Variants in TSNAXIP1 observed in about 807,000 individuals in gnomAD.
TSNAXIP1 encodes the protein translin associated factor X interacting protein 1.
A neutral mutation model predicts 84.8 loss-of-function variants in TSNAXIP1; 89 were observed. That is an observed-to-expected ratio of 1.05 (90% CI 0.88 to 1.25). The LOEUF (loss-of-function observed/expected upper bound fraction) is 1.25, where lower values mean the gene tolerates loss of function less well. Among genes scored for constraint, TSNAXIP1 ranks in the 50% most tolerant of loss-of-function variants. TSNAXIP1 has a pLI of 0.00. For synonymous variants in TSNAXIP1, 347 were observed against 335.2 expected (o/e 1.04, Z -0.39); for missense variants, 874 against 887.6 (o/e 0.98, Z 0.20).
chr16:67,818,703 C>CTT (rs910240626), intron 2 of TSNAXIP1, among the ~76,000 whole-genome samples: 20 of 135,550 alleles, frequency 1.5e-4, no homozygotes, highest in South Asian at 2.4e-4. Context: ...AGACCCCATC[C>CTT]TTTTTTTTTT....
chr16:67,820,115 G>GCTTTCTCACTGCAT (rs2056920613), intron 2 of TSNAXIP1, among the ~76,000 whole-genome samples: 1 of 149,650 alleles, frequency 6.7e-6, no homozygotes, highest in African/African-American at 2.5e-5. Context: ...ACCATGCCCG[G>GCTTTCTCACTGCAT]CCTAATTTTT....
intron 5 of TSNAXIP1, 24 bp from the exon 6 acceptor site, chr16:67,824,559 G>T (rs771057168): frequency 1.2e-6 from 2 of 1,609,198 alleles, no homozygotes; most frequent in Non-Finnish European, 1.7e-6. Flanking sequence ...CCCCAAAGCA[G>T]CTCTCCCACC....
chr16:67,818,038 A>T (rs540671483), intron 2 of TSNAXIP1, among the ~76,000 whole-genome samples: 1 of 151,286 alleles, frequency 6.6e-6, no homozygotes, highest in Non-Finnish European at 1.5e-5. Context: ...GTGAAACCCC[A>T]TCTCTACTAA....
intron 2 of TSNAXIP1, among the ~76,000 whole-genome samples, chr16:67,820,337 G>A (rs1414003837): frequency 6.6e-6 from 1 of 152,212 alleles, no homozygotes; most frequent in Admixed American, 6.5e-5. Flanking sequence ...TGAGAACTAA[G>A]GCTCAGAGAA....
chr16:67,809,634 AT>A (rs1390097482), intron 1 of TSNAXIP1, among the ~76,000 whole-genome samples: 2,567 of 147,376 alleles, frequency 0.017, 82 homozygotes, highest in African/African-American at 0.064. Context: ...TCAAAAAAAA[AT>A]AAATAAATAA....
At position 67,820,839 on chromosome 16, in the gene TSNAXIP1, A is replaced by T; in HGVS notation, c.148A>T (p.Thr50Ser). 6.5e-7 allele frequency: 1 copy of T among 1,530,486 alleles called. No homozygotes were observed. Among genetic ancestry groups the T allele is most frequent in the South Asian group, 1.3e-5 (1 of 77,456 alleles). The allele number at this position is 1,530,486 out of a possible 1,614,324, so 94.8% of individuals were successfully genotyped here. Residue 50 changes from threonine (T) to serine (S), a missense_variant and splice_region_variant, in exon 3 of 16, where the codon ACT (threonine) becomes TCT (serine). Physicochemically the swap from Thr to Ser is moderately conservative, Grantham distance 58. Coordinates refer to ENST00000561639, the MANE Select transcript of TSNAXIP1 (RefSeq NM_001288990.3). Reference protein sequence around the residue: ...RKLLQKRRTLTGQFSMGGHLS... With the variant: ...RKLLQKRRTLSGQFSMGGHLS... Reference sequence around the variant, plus strand: ...CAACCCCACCTGTACCTCCCTGCAGACTGGTCAGTTCTCCATGGGTGGGCA... The same window carrying T: ...CAACCCCACCTGTACCTCCCTGCAGTCTGGTCAGTTCTCCATGGGTGGGCA...
At chr16:67,807,689 C>G in intron 1 of TSNAXIP1, 1 of 254,442 alleles carries the variant, frequency 3.9e-6, no homozygotes, top group Non-Finnish European at 7.9e-6. Flanking sequence ...CACCACGTTG[C>G]CCAGGCTGGT....
At chr16:67,811,413 CAGAGTTTGGAGAATT>C (rs1020293105) in intron 1 of TSNAXIP1, among the ~76,000 whole-genome samples, 21 of 147,526 alleles carry the variant, frequency 1.4e-4, no homozygotes, top group Non-Finnish European at 3.0e-4. Flanking sequence ...TGAGCAAGAA[CAGAGTTTGGAGAATT>C]GATTAGTCTT....
At chr16:67,809,191 C>T (rs1268537567) in intron 1 of TSNAXIP1, among the ~76,000 whole-genome samples, 2 of 138,318 alleles carry the variant, frequency 1.4e-5, no homozygotes, top group South Asian at 4.7e-4. Context: ...AAAAAATGGC[C>T]GGGCGTGGTG....
intron 1 of TSNAXIP1, among the ~76,000 whole-genome samples, chr16:67,809,831 C>A (rs2055880349): frequency 6.6e-6 from 1 of 151,742 alleles, no homozygotes; most frequent in Non-Finnish European, 1.5e-5. Context: ...CACCTGTAAT[C>A]CCAGCTACTC....
Position 67,824,564 on chromosome 16 carries a change from C to T in TSNAXIP1, c.482-19C>T. On this transcript the variant is annotated intron_variant, in intron 5 of 15. Transcript: ENST00000561639. ...TTCTCCATGGCCCCAAAGCAGCTCT[C>T]CCACCTGTCTCTGCTTAGCCCACCA... 1 of 1,611,052 alleles carries T rather than the reference C, an allele frequency of 6.2e-7. No homozygotes were observed. Among genetic ancestry groups the T allele is most frequent in the Non-Finnish European group, 8.5e-7 (1 of 1,178,550 alleles).
At position 67,807,216 on chromosome 16, in the gene TSNAXIP1, A is replaced by G; in HGVS notation, c.47+20A>G. The G allele has an allele frequency of 6.5e-7, 1 of 1,535,886 alleles. No individual in the cohort carries two copies. The highest frequency in any genetic ancestry group is 1.2e-5 in the South Asian group (1 of 84,056). On this transcript the variant is annotated intron_variant, in intron 1 of 15. Coordinates refer to ENST00000561639, the MANE Select transcript of TSNAXIP1 (RefSeq NM_001288990.3). ...GTCGAGGTAGGCGCTGGCAGGGATG[A>G]GGGCAGAGATGAGGGTTTGAGTACT... is the stretch of plus-strand genomic sequence containing the variant.
intron 2 of TSNAXIP1, among the ~76,000 whole-genome samples, chr16:67,817,572 G>T (rs952149037): frequency 7.5e-5 from 11 of 146,786 alleles, no homozygotes; most frequent in African/African-American, 2.0e-4. Flanking sequence ...AAGCCACCGC[G>T]CCCGGCCAAG....
Position 67,827,066 on chromosome 16 carries a change from A to T in TSNAXIP1, c.1658A>T (p.Gln553Leu), listed in dbSNP as rs750539038. The change falls in exon 13 of 16, where the codon CAG becomes CTG. Residue 553 changes from glutamine to leucine, a missense_variant. Coordinates refer to ENST00000561639, the MANE Select transcript of TSNAXIP1 (RefSeq NM_001288990.3). ...AACGAGGGGCTACTAACCATGGAGC[A>T]GTTCAAGTGAGAGGCCAGTCCAGGC... is the stretch of plus-strand genomic sequence containing the variant. The part of the protein sequence containing the change: ...SQNEGLLTME[Q>L]FNTVLKSTFP... The T allele has an allele frequency of 1.2e-6, 2 of 1,613,926 alleles. No homozygotes were observed. The highest frequency in any genetic ancestry group is 1.7e-6 in the Non-Finnish European group (2 of 1,179,958).
rs1297218222 is a variant in TSNAXIP1, at chr16:67,825,054, GA to G, written c.679-81del. ...TCACAGTCCCTGATGGGGCCCCCCA[GA>G]ACCCAGCCCACTCCCTGGGGTGACC... On this transcript the variant is annotated intron_variant, in intron 6 of 15. Coordinates refer to ENST00000561639, the MANE Select transcript of TSNAXIP1 (RefSeq NM_001288990.3). 2.0e-5 allele frequency: 31 copies of G among 1,552,556 alleles called. No homozygotes were observed. In the East Asian group the frequency reaches 3.4e-4, roughly 17 times the overall value.
chr16:67,817,937 G>A (rs746867435), intron 2 of TSNAXIP1, among the ~76,000 whole-genome samples: 5 of 151,786 alleles, frequency 3.3e-5, no homozygotes, highest in Non-Finnish European at 5.9e-5. Context: ...TGGGCCGGGC[G>A]CAGTGGCTCA....
Position 67,826,001 on chromosome 16 carries a change from C to T in TSNAXIP1, c.1069C>T (p.Arg357Trp), listed in dbSNP as rs757528859. ...MQLHMSTLKE[R>W]DQFFSELQEI... ...GCTGCACATGAGCACGCTGAAGGAACGGGACCAATTCTTCTCTGAGCTGCA... is the reference window on the plus strand; with the variant it reads ...GCTGCACATGAGCACGCTGAAGGAATGGGACCAATTCTTCTCTGAGCTGCA... The change falls in exon 9 of 16, where the codon CGG (arginine) becomes TGG (tryptophan). Residue 357 changes from arginine to tryptophan, a missense_variant. Transcript: ENST00000561639. 1.5e-5 allele frequency: 25 copies of T among 1,613,930 alleles called. No individual in the cohort carries two copies. The highest frequency in any genetic ancestry group is 6.7e-5 in the African/African-American group (5 of 74,928).
Position 67,823,732 on chromosome 16 carries a change from C to A in TSNAXIP1, c.481+13C>A. ...GAGGGGATGCTGGGTAAGAATGCAC[C>A]TCCTGCCAGGCGTAGTGGCTCACGC... On this transcript the variant is annotated intron_variant, in intron 5 of 15. Coordinates refer to ENST00000561639, the MANE Select transcript of TSNAXIP1 (RefSeq NM_001288990.3). 6.2e-7 allele frequency: 1 copy of A among 1,600,282 alleles called. No homozygotes were observed. The highest frequency in any genetic ancestry group is 1.7e-5 in the Admixed American group (1 of 59,498).
rs1057368304 is a variant in TSNAXIP1, at chr16:67,809,362, G to GT, written c.47+2166_47+2167insT. ...TTGCACCTGTAGTCCCAACTACTCGGGAGGCTGAGGCAGGAGAACCCAGGA... is the reference window on the plus strand; with the variant it reads ...TTGCACCTGTAGTCCCAACTACTCGGTGAGGCTGAGGCAGGAGAACCCAGGA... On this transcript the variant is annotated intron_variant, in intron 1 of 15. Transcript: ENST00000561639. 4.7e-5 allele frequency among the ~76,000 whole-genome samples: 7 copies of GT among 149,940 alleles called. No individual in the cohort carries two copies. In the Admixed American group the frequency reaches 4.7e-4, roughly 10 times the overall value.
Sources: allele counts gnomAD v4.1 joint callset (sites outside exome capture counted in the v4.1 genomes callset), GRCh38; gene constraint gnomAD v4.1.1; transcripts MANE v1.5; gene names NCBI Gene and HGNC (gene_info 2026-07-23, HGNC 2026-07-21).